The following SGCZ variants were observed in gnomAD, a reference collection of about 807,000 sequenced individuals.
SGCZ encodes the protein zeta-sarcoglycan.
A neutral mutation model predicts 41.3 loss-of-function variants in SGCZ; 40 were observed. That is an observed-to-expected ratio of 0.97 (90% CI 0.75 to 1.26). The LOEUF is 1.26. SGCZ is among the 50% of genes most tolerant of loss of function. The probability of loss-of-function intolerance (pLI) is 0.00; values close to 1 mark genes in which losing one functional copy is unlikely to be tolerated. For missense variants in SGCZ, 552 were observed against 369.8 expected (o/e 1.49, Z -4.04); for synonymous variants, 206 against 137.5 (o/e 1.50, Z -3.49).
intron 2 of SGCZ, among the ~76,000 whole-genome samples, chr8:14,395,509 G>C (rs955458851): frequency 6.6e-6 from 1 of 152,142 alleles, no homozygotes; most frequent in African/African-American, 2.4e-5. Flanking sequence ...AATAACAACA[G>C]AGTCCAAAGG....
At chr8:14,812,110 T>A (rs1351130507) in intron 1 of SGCZ, among the ~76,000 whole-genome samples, 1 of 151,948 alleles carries the variant, frequency 6.6e-6, no homozygotes, top group African/African-American at 2.4e-5. Flanking sequence ...GTACAAATTT[T>A]GAAGCAATTT....
Position 14,946,687 on chromosome 8 carries a change from T to C in SGCZ, c.39+290898A>G, listed in dbSNP as rs1800460201. ...GTTAGAAATCTGTATTTTTTTTTTT[T>C]TTTTTTGAGATCGACTCTTGCTTTG... On this transcript the variant is annotated intron_variant, in intron 1 of 7. Coordinates refer to ENST00000382080, the MANE Select transcript of SGCZ (RefSeq NM_139167.4). Among the ~76,000 whole-genome samples the C allele has an allele frequency of 2.6e-5, 4 of 151,550 alleles. No homozygotes were observed. The South Asian group carries it at 8.4e-4, about 32-fold the overall frequency.
chr8:14,117,023 T>C (rs1293621709), intron 5 of SGCZ, among the ~76,000 whole-genome samples: 1 of 152,092 alleles, frequency 6.6e-6, no homozygotes, highest in Admixed American at 6.6e-5. Context: ...TTCAAAATTA[T>C]TGGGCTATTA....
intron 3 of SGCZ, among the ~76,000 whole-genome samples, chr8:14,247,182 G>A (rs1365704037): frequency 6.6e-6 from 1 of 152,046 alleles, no homozygotes; most frequent in Non-Finnish European, 1.5e-5. Flanking sequence ...TCCCCATTTG[G>A]TTTAGTCACG....
At chr8:14,198,236 A>G (rs1270981017) in intron 4 of SGCZ, among the ~76,000 whole-genome samples, 1 of 152,186 alleles carries the variant, frequency 6.6e-6, no homozygotes, top group Non-Finnish European at 1.5e-5. Context: ...TGTCTCTGCT[A>G]TCACTCTGTA....
At chr8:15,076,016 T>C (rs1194809444) in intron 1 of SGCZ, among the ~76,000 whole-genome samples, 1 of 152,096 alleles carries the variant, frequency 6.6e-6, no homozygotes, top group East Asian at 1.9e-4. Flanking sequence ...TGTCGAGACA[T>C]AACTTTTGGT....
In SGCZ at chr8:14,759,287, C is replaced by A. The variant is rs561121223; in HGVS notation, c.40-204361G>T. On this transcript the variant is annotated intron_variant, in intron 1 of 7. Coordinates refer to ENST00000382080, the MANE Select transcript of SGCZ (RefSeq NM_139167.4). ...ATATTGCTGAGAAGAAAATTGGAGA[C>A]AAGGAGAAGGAAACATTCACCTTTT... Among the ~76,000 whole-genome samples the A allele has an allele frequency of 2.6e-5, 4 of 151,710 alleles. No homozygotes were observed. The South Asian group carries it at 8.3e-4, about 32-fold the overall frequency.
At chr8:14,750,726 A>G (rs1396827018) in intron 1 of SGCZ, among the ~76,000 whole-genome samples, 1 of 152,226 alleles carries the variant, frequency 6.6e-6, no homozygotes, top group Non-Finnish European at 1.5e-5. Context: ...GTGAACGATG[A>G]CATGTCTGGG....
intron 1 of SGCZ, among the ~76,000 whole-genome samples, chr8:14,786,288 C>G (rs905711409): frequency 6.6e-6 from 1 of 152,028 alleles, no homozygotes; most frequent in Non-Finnish European, 1.5e-5. Flanking sequence ...CATTTACAAA[C>G]CATCAATAGA....
chr8:14,392,325 A>G (rs898491911), intron 2 of SGCZ, among the ~76,000 whole-genome samples: 2 of 152,122 alleles, frequency 1.3e-5, no homozygotes, highest in Non-Finnish European at 2.9e-5. Context: ...TAGCTTTTAG[A>G]TGGTATGAAA....
chr8:15,158,865 GAGGGTTAT>G (rs1413593392), intron 1 of SGCZ, among the ~76,000 whole-genome samples: 1 of 152,196 alleles, frequency 6.6e-6, no homozygotes, highest in Non-Finnish European at 1.5e-5. Context: ...TAAACTCAAG[GAGGGTTAT>G]AATCACTCTG....
chr8:14,428,898 C>T (rs918153655), intron 2 of SGCZ, among the ~76,000 whole-genome samples: 14 of 152,200 alleles, frequency 9.2e-5, no homozygotes, highest in Admixed American at 2.0e-4. Context: ...TCACAACATG[C>T]TTTCATAGTT....
At chr8:14,607,161 T>C (rs543526167) in intron 1 of SGCZ, among the ~76,000 whole-genome samples, 1 of 152,152 alleles carries the variant, frequency 6.6e-6, no homozygotes, top group African/African-American at 2.4e-5. Context: ...CTCTGAAGAT[T>C]GAACAAAACC....
chr8:14,660,529 C>T (rs546897161), intron 1 of SGCZ, among the ~76,000 whole-genome samples: 1 of 143,950 alleles, frequency 6.9e-6, no homozygotes, highest in African/African-American at 2.7e-5. Context: ...CAACATTCAG[C>T]CACTGCACTC....
At chr8:14,953,582 A>G (rs1264049108) in intron 1 of SGCZ, among the ~76,000 whole-genome samples, 1 of 152,146 alleles carries the variant, frequency 6.6e-6, no homozygotes, top group Non-Finnish European at 1.5e-5. Context: ...GAAGTGCAAT[A>G]ACAGAGGTTA....
intron 1 of SGCZ, among the ~76,000 whole-genome samples, chr8:14,839,998 C>T (rs1802843976): frequency 6.6e-6 from 1 of 151,490 alleles, no homozygotes; most frequent in Non-Finnish European, 1.5e-5. Flanking sequence ...TATTTTGTGC[C>T]TTTGTTTTTA....
At position 14,723,979 on chromosome 8, in the gene SGCZ, C is replaced by A. The variant is rs75003139; in HGVS notation, c.40-169053G>T. Among the ~76,000 whole-genome samples the A allele has an allele frequency of 8.0e-3, 1,222 of 152,094 alleles. 16 individuals are homozygous for A. The highest frequency in any genetic ancestry group is 0.028 in the African/African-American group (1,151 of 41,506). On this transcript the variant is annotated intron_variant, in intron 1 of 7. Coordinates refer to ENST00000382080, the MANE Select transcript of SGCZ (RefSeq NM_139167.4). Reference sequence around the variant, plus strand: ...TTCTGACCACATTAATGGACTAATTCTTAAGCAGAAGGAATAGCCTACTGC... The same window carrying A: ...TTCTGACCACATTAATGGACTAATTATTAAGCAGAAGGAATAGCCTACTGC...
At chr8:15,158,978 A>G (rs73665389) in intron 1 of SGCZ, among the ~76,000 whole-genome samples, 11,333 of 152,246 alleles carry the variant, frequency 0.074, 435 homozygotes, top group Non-Finnish European at 0.078. Flanking sequence ...AAATCTCCAA[A>G]GTGATGGTTT....
chr8:14,697,965 C>A (rs890687819), intron 1 of SGCZ, among the ~76,000 whole-genome samples: 1 of 151,930 alleles, frequency 6.6e-6, no homozygotes, highest in Non-Finnish European at 1.5e-5. Flanking sequence ...GTTTCAACCA[C>A]TTCGGTATTT....
Sources: allele counts gnomAD v4.1 joint callset (sites outside exome capture counted in the v4.1 genomes callset), GRCh38; gene constraint gnomAD v4.1.1; transcripts MANE v1.5; gene names NCBI Gene and HGNC (gene_info 2026-07-23, HGNC 2026-07-21).